Variants in C12orf56 observed in about 807,000 individuals in gnomAD.
The protein encoded by C12orf56 is chromosome 12 open reading frame 56, also known as uncharacterized protein C12orf56.
C12orf56 carries 71 observed loss-of-function variants against 69.9 expected under a neutral mutation model. The observed-to-expected ratio is 1.02, with a 90% CI of 0.84 to 1.24. The LOEUF (loss-of-function observed/expected upper bound fraction) is 1.24, where lower values mean the gene tolerates loss of function less well. C12orf56 is among the 50% of genes most tolerant of loss of function. C12orf56 has a pLI of 0.00. For synonymous variants in C12orf56, 276 were observed against 274.1 expected (o/e 1.01, Z -0.07); for missense variants, 732 against 738.5 (o/e 0.99, Z 0.10).
rs138783628 is a variant in C12orf56, at chr12:64,328,706, AATATATATATATATATATAT to A, written c.488+2234_488+2253del. On this transcript the variant is annotated intron_variant, in intron 3 of 12. Coordinates refer to ENST00000543942, the MANE Select transcript of C12orf56 (RefSeq NM_001170633.2). ...AAAAAAAAAAAAAAAAAAAAAAAAA[AATATATATATATATATATAT>A]ATATATATATAGTATCACACTTTAA... Among the ~76,000 whole-genome samples, 32 of 15,114 alleles carry A rather than the reference AATATATATATATATATATAT, an allele frequency of 2.1e-3. 2 individuals carry two copies. Among genetic ancestry groups the A allele is most frequent in the Admixed American group, 2.5e-3 (2 of 794 alleles). The allele number at this position is 15,114 out of a possible 152,430, so 9.9% of individuals were successfully genotyped here.
intron 1 of C12orf56, among the ~76,000 whole-genome samples, chr12:64,379,970 G>A (rs12317999): frequency 0.15 from 22,535 of 147,926 alleles, 1,836 homozygotes; most frequent in Middle Eastern, 0.24. Context: ...GCGTGATGGC[G>A]GACGGACGCC....
intron 5 of C12orf56, among the ~76,000 whole-genome samples, chr12:64,309,071 C>T (rs1051528650): frequency 2.0e-5 from 3 of 152,170 alleles, no homozygotes; most frequent in Admixed American, 1.3e-4. Flanking sequence ...CTTGTTTTAT[C>T]TGTTCTCTTA....
chr12:64,281,844 A>G (rs1451980036), intron 8 of C12orf56, among the ~76,000 whole-genome samples: 1 of 152,218 alleles, frequency 6.6e-6, no homozygotes, highest in East Asian at 1.9e-4. Context: ...TTTAAAGAAA[A>G]AGAACAAAGA....
chr12:64,312,643 C>T (rs772691221), intron 5 of C12orf56, 36 bp downstream of exon 5: 6 of 1,448,370 alleles, frequency 4.1e-6, no homozygotes, highest in Non-Finnish European at 5.6e-6. Flanking sequence ...GAGAAAAATT[C>T]CCCATGCAAC....
At chr12:64,269,585 T>G (rs10748004) in intron 12 of C12orf56, among the ~76,000 whole-genome samples, 106,781 of 148,382 alleles carry the variant, frequency 0.72, 38,743 homozygotes, top group Non-Finnish European at 0.81. Flanking sequence ...TCAGTGAAGT[T>G]TATTTACACT....
At chr12:64,275,234 TATA>T in intron 10 of C12orf56, 61 bp downstream of exon 10, 4 of 739,400 alleles carry the variant, frequency 5.4e-6, no homozygotes, top group Non-Finnish European at 8.2e-6. Flanking sequence ...TATCATAATA[TATA>T]ATAGTCATGT....
intron 4 of C12orf56, among the ~76,000 whole-genome samples, 181 bp downstream of exon 4, chr12:64,318,394 A>G (rs935097220): frequency 1.3e-5 from 2 of 152,008 alleles, no homozygotes; most frequent in African/African-American, 4.8e-5. Context: ...ATTTTTCCCT[A>G]TTGCAATCGC....
At chr12:64,321,392 C>T (rs1313497810) in intron 3 of C12orf56, among the ~76,000 whole-genome samples, 1 of 152,168 alleles carries the variant, frequency 6.6e-6, no homozygotes, top group African/African-American at 2.4e-5. Context: ...CCAGGCTGGT[C>T]TTAAACTCCT....
At chr12:64,365,746 A>ATATATAATATATAGTT (rs2039461499) in intron 1 of C12orf56, among the ~76,000 whole-genome samples, 1 of 143,736 alleles carries the variant, frequency 7.0e-6, no homozygotes, top group Non-Finnish European at 1.5e-5. Flanking sequence ...TTTATATAAT[A>ATATATAATATATAGTT]TATATAATAT....
At chr12:64,315,923 C>T (rs1391457331) in intron 4 of C12orf56, among the ~76,000 whole-genome samples, 1 of 144,802 alleles carries the variant, frequency 6.9e-6, no homozygotes, top group East Asian at 2.0e-4. Flanking sequence ...AAGAGTGAAA[C>T]TCCACCTCAA....
At chr12:64,308,637 A>G (rs886234413) in intron 5 of C12orf56, among the ~76,000 whole-genome samples, 2 of 151,168 alleles carry the variant, frequency 1.3e-5, no homozygotes, top group Admixed American at 6.6e-5. Context: ...GAGGTCAGTC[A>G]TTCGAGACCA....
At chr12:64,367,001 T>TAC (rs2039497572) in intron 1 of C12orf56, among the ~76,000 whole-genome samples, 1 of 77,858 alleles carries the variant, frequency 1.3e-5, no homozygotes, top group African/African-American at 5.4e-5. Context: ...ATACACTTTA[T>TAC]ATATTATATA....
At position 64,353,003 on chromosome 12, in the gene C12orf56, G is replaced by A; in HGVS notation, c.306C>T (p.His102=). 6.2e-7 allele frequency: 1 copy of A among 1,612,144 alleles called. No homozygotes were observed. Among genetic ancestry groups the A allele is most frequent in the Non-Finnish European group, 8.5e-7 (1 of 1,179,496 alleles). Residue 102 remains histidine (H), a synonymous_variant, in exon 2 of 13, where the codon CAC becomes CAT. Transcript: ENST00000543942. ...LSSPDREISQ[H]IRIIYSSTVL... is the part of the protein sequence containing the mutation. ...CGGTTGAAGAATAGATGATACGAAT[G>A]TGTTGGCTGATTTCTCTATCTGGCG... is the stretch of plus-strand genomic sequence containing the variant.
intron 1 of C12orf56, among the ~76,000 whole-genome samples, chr12:64,375,227 T>G (rs1045663870): frequency 6.6e-6 from 1 of 151,978 alleles, no homozygotes; most frequent in African/African-American, 2.4e-5. Context: ...CCAGCTAATT[T>G]TGTATTTTTA....
At chr12:64,357,722 C>A (rs2039338306) in intron 1 of C12orf56, among the ~76,000 whole-genome samples, 1 of 150,920 alleles carries the variant, frequency 6.6e-6, no homozygotes, top group Non-Finnish European at 1.5e-5. Context: ...CATAGTGAGA[C>A]CCCCCCAATC....
Position 64,267,038 on chromosome 12 carries a change from G to A in C12orf56, c.*145C>T. The A allele has an allele frequency of 1.7e-6, 1 of 595,168 alleles. No individual in the cohort carries two copies. 36.9% of individuals were successfully genotyped at this position (595,168 alleles called of 1,614,324 possible). A position where few individuals can be genotyped will look rare whatever the true frequency, so the allele number is the denominator to read the frequency against. On this transcript the variant is annotated 3_prime_UTR_variant, in exon 13 of 13. Transcript: ENST00000543942. ...TTTAAACTTCTCATAGAGAGGTATT[G>A]ATGGAACATTCAATTAAAATCTTTG...
chr12:64,277,849 A>G, intron 8 of C12orf56, 46 bp from the exon 9 acceptor site: 1 of 1,423,086 alleles, frequency 7.0e-7, no homozygotes, highest in Non-Finnish European at 9.3e-7. Flanking sequence ...AAGTGTTGAG[A>G]GGAAAAATGG....
At chr12:64,358,039 T>C (rs199945422) in intron 1 of C12orf56, among the ~76,000 whole-genome samples, 1 of 152,216 alleles carries the variant, frequency 6.6e-6, no homozygotes, top group East Asian at 1.9e-4. Context: ...TATTTGTGTA[T>C]GTAAAAGGAG....
At chr12:64,374,975 A>G (rs1294431302) in intron 1 of C12orf56, among the ~76,000 whole-genome samples, 1 of 152,208 alleles carries the variant, frequency 6.6e-6, no homozygotes, top group African/African-American at 2.4e-5. Context: ...GTTCTTAAAT[A>G]AATGTGGTTA....
Sources: allele counts gnomAD v4.1 joint callset (sites outside exome capture counted in the v4.1 genomes callset), GRCh38; gene constraint gnomAD v4.1.1; transcripts MANE v1.5; gene names NCBI Gene and HGNC (gene_info 2026-07-23, HGNC 2026-07-21).